Variants in ASB9 observed in about 807,000 individuals in gnomAD.
ASB9 encodes ankyrin repeat and SOCS box protein 9.
Under a neutral mutation model 16.6 loss-of-function variants are expected in ASB9, and 5 were observed. The observed-to-expected ratio is 0.30, with a 90% CI of 0.16 to 0.63. The LOEUF (loss-of-function observed/expected upper bound fraction) is 0.63. Among genes scored for constraint, ASB9 ranks in the 30% least tolerant of loss-of-function variants. The pLI is 0.82. For synonymous variants in ASB9, 100 were observed against 86.4 expected (o/e 1.16, Z -0.87); for missense variants, 216 against 229.4 (o/e 0.94, Z 0.38).
chrX:15,262,940 C>T (rs1329631265), intron 1 of ASB9, among the ~76,000 whole-genome samples: 1 of 112,451 alleles, frequency 8.9e-6, no homozygotes, highest in East Asian at 2.8e-4. Context: ...CCTAGTTTAA[C>T]ATTTTTCTAA....
intron 5 of ASB9, 27 bp from the exon 6 acceptor site, chrX:15,248,962 G>T: frequency 8.8e-7 from 1 of 1,132,279 alleles, no homozygotes; most frequent in Non-Finnish European, 1.2e-6. Flanking sequence ...ACAAAAAAGA[G>T]TCAGCAAGGA....
intron 1 of ASB9, among the ~76,000 whole-genome samples, chrX:15,262,228 C>A (rs745427688): frequency 9.1e-6 from 1 of 110,062 alleles, no homozygotes; most frequent in South Asian, 3.8e-4. Flanking sequence ...CTACTTCTTG[C>A]CTATTATGAA....
intron 1 of ASB9, among the ~76,000 whole-genome samples, chrX:15,263,568 C>A (rs1237133611): frequency 1.1e-5 from 1 of 91,840 alleles, no homozygotes; most frequent in Non-Finnish European, 2.1e-5. Flanking sequence ...TCTCTCTTCT[C>A]TTTCCTGTCT....
At chrX:15,256,791 A>AAAAAG (rs1555931693) in intron 2 of ASB9, among the ~76,000 whole-genome samples, 2 of 107,056 alleles carry the variant, frequency 1.9e-5, no homozygotes, top group African/African-American at 6.8e-5. Flanking sequence ...AAAAAAAAAA[A>AAAAAG]AAAGAAAGAA....
chrX:15,251,496 TATG>T (rs1266839087), intron 4 of ASB9, among the ~76,000 whole-genome samples: 4 of 112,239 alleles, frequency 3.6e-5, no homozygotes, highest in Admixed American at 9.4e-5. Flanking sequence ...ATGCAGCGAA[TATG>T]ATGAGTTAAG....
chrX:15,253,553 T>G (rs1295940125), intron 3 of ASB9, among the ~76,000 whole-genome samples: 2 of 111,145 alleles, frequency 1.8e-5, no homozygotes, highest in Non-Finnish European at 3.8e-5. Flanking sequence ...GGAGCTGAGT[T>G]CGTGCCACTG....
At chrX:15,250,327 C>G (rs1925002027) in intron 5 of ASB9, 103 bp downstream of exon 5, 6 of 946,755 alleles carry the variant, frequency 6.3e-6, no homozygotes, top group Non-Finnish European at 7.3e-6. Context: ...TTGTCCAACT[C>G]CATTGCCCAC....
chrX:15,254,815 A>T lies in ASB9; in HGVS notation c.204T>A (p.Asp68Glu). 1 of 1,210,114 alleles carries T rather than the reference A, an allele frequency of 8.3e-7. No homozygotes were observed. The highest frequency in any genetic ancestry group is 1.1e-6 in the Non-Finnish European group (1 of 894,665). ...QGWAVNIITA[D>E]HVSPLHEACL... Reference sequence around the variant, plus strand: ...AGGCTTCATGGAGTGGGGAAACATGATCTGCCGTGATGATGTTCACAGCCC... The same window carrying T: ...AGGCTTCATGGAGTGGGGAAACATGTTCTGCCGTGATGATGTTCACAGCCC... Residue 68 changes from aspartate (D) to glutamate (E), a missense_variant, in exon 3 of 7, where the codon GAT (aspartate) becomes GAA (glutamate). Transcript: ENST00000380488.
rs768887734 is a variant in ASB9 at position 15,244,091 on chromosome X, A to G, written c.*415T>C. On this transcript the variant is annotated 3_prime_UTR_variant, in exon 7 of 7. Coordinates refer to ENST00000380488, the MANE Select transcript of ASB9 (RefSeq NM_001031739.3). ...GCCTGCCTCGATCAAGTCATCACAT[A>G]AGTTAATGTCAGAAAACCTGTATTT... 2 of 122,854 alleles carry G rather than the reference A, an allele frequency of 1.6e-5. No individual in the cohort carries two copies. The highest frequency in any genetic ancestry group is 8.8e-5 in the Admixed American group (1 of 11,375). The allele number at this position is 122,854 out of a possible 1,213,427, so 10.1% of individuals were successfully genotyped here. A position where few individuals can be genotyped will look rare whatever the true frequency, so the allele number is the denominator to read the frequency against.
intron 1 of ASB9, among the ~76,000 whole-genome samples, chrX:15,264,228 A>C (rs1005260325): frequency 9.0e-6 from 1 of 111,260 alleles, no homozygotes; most frequent in Non-Finnish European, 1.9e-5. Flanking sequence ...CTCTGTTGTC[A>C]CATAGCATTC....
chrX:15,268,461 C>G (rs1414818351), intron 1 of ASB9, among the ~76,000 whole-genome samples: 3 of 100,708 alleles, frequency 3.0e-5, no homozygotes, highest in African/African-American at 1.1e-4. Flanking sequence ...GAGTCTCACT[C>G]TGTCGCCAGG....
Position 15,244,221 on chromosome X carries a change from T to C in ASB9, c.*285A>G. The C allele has an allele frequency of 8.2e-6, 2 of 245,213 alleles. No homozygotes were observed. The highest frequency in any genetic ancestry group is 1.4e-5 in the Non-Finnish European group (2 of 138,688). 20.2% of individuals were successfully genotyped at this position (245,213 alleles called of 1,213,427 possible). ...GAAAGTGCTTGGCATGCAGTAGATA[T>C]GCAAAACAATAACTTATGACACTCT... On this transcript the variant is annotated 3_prime_UTR_variant, in exon 7 of 7. Transcript: ENST00000380488.
chrX:15,244,741 T>C, intron 6 of ASB9, 111 bp from the exon 7 acceptor site: 2 of 873,304 alleles, frequency 2.3e-6, no homozygotes, highest in Non-Finnish European at 3.1e-6. Context: ...GAAATAATAT[T>C]GAACTATTTA....
Position 15,270,081 on chromosome X carries a change from T to TACACACACACACACACACAC in ASB9, c.-208_-207insGTGTGTGTGTGTGTGTGTGT, listed in dbSNP as rs370190376. ...GATCAGAGAGAGGCATGCGCTCGTG[T>TACACACACACACACACACAC]ACACACACACACACACACACACACA... On this transcript the variant is annotated 5_prime_UTR_variant, in exon 1 of 7. Coordinates refer to ENST00000380488, the MANE Select transcript of ASB9 (RefSeq NM_001031739.3). The TACACACACACACACACACAC allele has an allele frequency of 5.2e-4, 154 of 294,640 alleles. No homozygotes were observed. Among genetic ancestry groups the TACACACACACACACACACAC allele is most frequent in the African/African-American group, 4.1e-3 (133 of 32,576 alleles). 24.3% of individuals were successfully genotyped at this position (294,640 alleles called of 1,213,427 possible). A position where few individuals can be genotyped will look rare whatever the true frequency, so the allele number is the denominator to read the frequency against.
At chrX:15,264,616 C>T (rs1366477699) in intron 1 of ASB9, among the ~76,000 whole-genome samples, 2 of 111,499 alleles carry the variant, frequency 1.8e-5, no homozygotes, top group East Asian at 5.6e-4. Flanking sequence ...GCCCTATTTT[C>T]CCCTCTAACT....
At chrX:15,260,688 C>G (rs1453278791) in intron 1 of ASB9, among the ~76,000 whole-genome samples, 1 of 112,069 alleles carries the variant, frequency 8.9e-6, no homozygotes, top group Admixed American at 9.5e-5. Context: ...CCAGTTATGC[C>G]TTGCACGGAA....
intron 1 of ASB9, among the ~76,000 whole-genome samples, chrX:15,259,506 G>C (rs1468096205): frequency 8.9e-6 from 1 of 112,754 alleles, no homozygotes; most frequent in African/African-American, 3.2e-5. Context: ...CTTGAAACAG[G>C]GACATTATTT....
intron 1 of ASB9, among the ~76,000 whole-genome samples, chrX:15,262,969 T>G (rs1236724329): frequency 8.9e-6 from 1 of 112,435 alleles, no homozygotes; most frequent in African/African-American, 3.2e-5. Flanking sequence ...GAGCATAGAT[T>G]GTGTGTATGT....
At chrX:15,258,800 A>G (rs1004508301) in intron 2 of ASB9, 66 bp downstream of exon 2, 2 of 894,163 alleles carry the variant, frequency 2.2e-6, no homozygotes, top group African/African-American at 3.9e-5. Context: ...TCCCTATGTT[A>G]TTATGTCACA....
Sources: gnomAD v4.1 joint callset for allele counts (sites outside exome capture counted in the v4.1 genomes callset) on GRCh38, gnomAD v4.1.1 for gene constraint, MANE v1.5 for transcripts, NCBI Gene and HGNC (gene_info 2026-07-23, HGNC 2026-07-21) for gene names.